The following RASGEF1B variants were observed in gnomAD, a reference collection of about 807,000 sequenced individuals.
The protein encoded by RASGEF1B is ras-GEF domain-containing family member 1B.
A neutral mutation model predicts 65.7 loss-of-function variants in RASGEF1B; 30 were observed. The observed-to-expected ratio is 0.46, with a 90% CI of 0.34 to 0.62. The LOEUF (loss-of-function observed/expected upper bound fraction) is 0.62, where lower values mean the gene tolerates loss of function less well. Ranked by LOEUF, RASGEF1B falls within the 20% of genes least tolerant of loss-of-function variation. The pLI is 0.01. For missense variants in RASGEF1B, 495 were observed against 580.1 expected (o/e 0.85, Z 1.51); for synonymous variants, 175 against 194.8 (o/e 0.90, Z 0.85).
intron 8 of RASGEF1B, among the ~76,000 whole-genome samples, chr4:81,443,360 T>C (rs1721912903): frequency 6.6e-6 from 1 of 152,190 alleles, no homozygotes; most frequent in Non-Finnish European, 1.5e-5. Flanking sequence ...AATGTGTAAG[T>C]CCATGTATTA....
At chr4:81,456,913 C>G in intron 3 of RASGEF1B, 125 bp from the exon 4 acceptor site, 1 of 809,148 alleles carries the variant, frequency 1.2e-6, no homozygotes, top group Non-Finnish European at 1.9e-6. Context: ...AGAAGAAGCT[C>G]CAGCCCCCCT....
At chr4:81,465,518 G>A (rs374053196) in intron 1 of RASGEF1B, among the ~76,000 whole-genome samples, 17 of 152,174 alleles carry the variant, frequency 1.1e-4, no homozygotes, top group African/African-American at 3.6e-4. Flanking sequence ...GATAGATCAC[G>A]TTCTTCCAAG....
In RASGEF1B at chr4:81,427,640, G is replaced by T; in HGVS notation, c.*128C>A. The T allele has an allele frequency of 2.1e-6, 2 of 957,406 alleles. No homozygotes were observed. The highest frequency in any genetic ancestry group is 3.1e-6 in the Non-Finnish European group (2 of 641,382). 59.3% of individuals were successfully genotyped at this position (957,406 alleles called of 1,614,324 possible). ...CTTGAGTGAGCTTGTGTGCTTTGCT[G>T]ACCCGGGTGCTCCAATGACTGCAGG... On this transcript the variant is annotated 3_prime_UTR_variant, in exon 14 of 14. Transcript: ENST00000264400.
intron 4 of RASGEF1B, among the ~76,000 whole-genome samples, chr4:81,449,827 T>C (rs1355462342): frequency 6.6e-6 from 1 of 152,222 alleles, no homozygotes; most frequent in Non-Finnish European, 1.5e-5. Flanking sequence ...ATGAGGAGAA[T>C]GACAACATAT....
Position 81,445,849 on chromosome 4 carries a change from A to C in RASGEF1B, c.730-11T>G. The C allele has an allele frequency of 6.3e-7, 1 of 1,597,050 alleles. No homozygotes were observed. ...TTCACTGTAGCAACTCTTTAGAGAA[A>C]ACAAAGTAAACAGATGAGTTAGAGG... On this transcript the variant is annotated splice_polypyrimidine_tract_variant and intron_variant, in intron 6 of 13. Transcript: ENST00000264400.
At chr4:81,466,789 A>AGAAG in intron 1 of RASGEF1B, among the ~76,000 whole-genome samples, 1 of 145,458 alleles carries the variant, frequency 6.9e-6, no homozygotes, top group African/African-American at 2.7e-5. Context: ...AAAGAAAGAA[A>AGAAG]GAAAGAAAGA....
intron 4 of RASGEF1B, chr4:81,451,491 T>C (rs1251123501): frequency 2.6e-5 from 4 of 152,188 alleles, no homozygotes; most frequent in African/African-American, 7.2e-5. Flanking sequence ...CTACTTTCTG[T>C]GAACACCTGT....
chr4:81,466,937 T>TAAAA (rs760715662), intron 1 of RASGEF1B, among the ~76,000 whole-genome samples: 4 of 94,726 alleles, frequency 4.2e-5, no homozygotes, highest in African/African-American at 1.3e-4. Flanking sequence ...CTTACCTCCT[T>TAAAA]AAAAAAAAAA....
chr4:81,429,678 G>A (rs1721351126), intron 13 of RASGEF1B, among the ~76,000 whole-genome samples: 3 of 152,362 alleles, frequency 2.0e-5, no homozygotes, highest in Middle Eastern at 3.4e-3. Context: ...AGACGCAAGT[G>A]GCGAGTCGTC....
chr4:81,470,600 T>C (rs1366978227), intron 1 of RASGEF1B, among the ~76,000 whole-genome samples: 1 of 152,164 alleles, frequency 6.6e-6, no homozygotes, highest in Non-Finnish European at 1.5e-5. Flanking sequence ...TTCCTGACCG[T>C]CGTCACATGG....
rs61321904 is a variant in RASGEF1B, at chr4:81,446,751, C to T, written c.729+753G>A. On this transcript the variant is annotated intron_variant, in intron 6 of 13. Transcript: ENST00000264400. ...CCAGCTTGAAGAGGCTAATTACACC[C>T]CTCTTTCCTTCCTTCCAAAAGAAAG... Among the ~76,000 whole-genome samples, 1,206 of 152,252 alleles carry T rather than the reference C, an allele frequency of 7.9e-3. 24 individuals are homozygous for T. Among genetic ancestry groups the T allele is most frequent in the African/African-American group, 0.028 (1,157 of 41,538 alleles).
intron 10 of RASGEF1B, 115 bp downstream of exon 10, chr4:81,440,719 T>C: frequency 1.5e-6 from 1 of 654,692 alleles, no homozygotes; most frequent in Non-Finnish European, 2.7e-6. Context: ...AGAGTACACA[T>C]GTCTCTCTCT....
At chr4:81,455,195 G>A (rs1026437817) in intron 4 of RASGEF1B, 18 of 152,244 alleles carry the variant, frequency 1.2e-4, no homozygotes, top group Non-Finnish European at 4.4e-5. Context: ...CCAGCACTTT[G>A]GGAGGCCAAG....
intron 8 of RASGEF1B, 147 bp from the exon 9 acceptor site, chr4:81,442,523 T>C (rs1004809069): frequency 3.2e-6 from 2 of 625,086 alleles, no homozygotes; most frequent in Admixed American, 5.6e-5. Flanking sequence ...TATAACTTTT[T>C]TTGTTTGCAA....
At chr4:81,462,066 A>T (rs1722664899) in intron 1 of RASGEF1B, among the ~76,000 whole-genome samples, 1 of 152,256 alleles carries the variant, frequency 6.6e-6, no homozygotes, top group South Asian at 2.1e-4. Context: ...AGATCTGGAC[A>T]AAGATTCAGA....
intron 13 of RASGEF1B, among the ~76,000 whole-genome samples, chr4:81,431,798 G>T (rs545892521): frequency 1.2e-3 from 180 of 152,208 alleles, no homozygotes; most frequent in African/African-American, 4.2e-3. Context: ...CATACTCATA[G>T]GATATCAAAA....
chr4:81,467,006 C>A (rs1722863622), intron 1 of RASGEF1B, among the ~76,000 whole-genome samples: 1 of 149,000 alleles, frequency 6.7e-6, no homozygotes, highest in Admixed American at 6.7e-5. Flanking sequence ...GAAGACAACT[C>A]AGAGTCAACT....
intron 13 of RASGEF1B, 93 bp from the exon 14 acceptor site, chr4:81,427,885 C>A: frequency 7.9e-7 from 1 of 1,268,076 alleles, no homozygotes; most frequent in South Asian, 1.5e-5. Flanking sequence ...TTTTATCTTT[C>A]CTGTGTTTTA....
chr4:81,430,398 A>G (rs896809927), intron 13 of RASGEF1B, among the ~76,000 whole-genome samples: 6 of 152,228 alleles, frequency 3.9e-5, no homozygotes. Context: ...GAGATACAGA[A>G]AGCCCTCTGT....
Sources: allele counts gnomAD v4.1 joint callset (sites outside exome capture counted in the v4.1 genomes callset), GRCh38; gene constraint gnomAD v4.1.1; transcripts MANE v1.5; gene names NCBI Gene and HGNC (gene_info 2026-07-23, HGNC 2026-07-21).